Variants in NR3C1 observed in about 807,000 individuals in gnomAD.
NR3C1 encodes nuclear receptor subfamily 3 group C member 1.
In NR3C1, 14 loss-of-function variants were observed where a neutral mutation model predicts 74.0. That is an observed-to-expected ratio of 0.19 (90% CI 0.12 to 0.30). The LOEUF is 0.30. Ranked by LOEUF, NR3C1 falls within the 10% of genes least tolerant of loss-of-function variation. NR3C1 has a pLI of 1.00. For missense variants in NR3C1, 695 were observed against 909.8 expected (o/e 0.76, Z 3.04); for synonymous variants, 308 against 332.5 (o/e 0.93, Z 0.80).
At chr5:143,373,053 CAT>C (rs1319523879) in intron 2 of NR3C1, among the ~76,000 whole-genome samples, 6 of 152,100 alleles carry the variant, frequency 3.9e-5, no homozygotes, top group Non-Finnish European at 5.9e-5. Flanking sequence ...AAAAACTAAA[CAT>C]AAATATTTCA....
At chr5:143,294,676 T>A (rs1329311700) in intron 7 of NR3C1, among the ~76,000 whole-genome samples, 2 of 152,118 alleles carry the variant, frequency 1.3e-5, no homozygotes, top group Non-Finnish European at 2.9e-5. Context: ...AACCGCTGAT[T>A]TTTTTTTGCT....
chr5:143,324,593 GTC>G (rs1824155793), intron 2 of NR3C1, among the ~76,000 whole-genome samples: 1 of 152,196 alleles, frequency 6.6e-6, no homozygotes, highest in Non-Finnish European at 1.5e-5. Context: ...TTTCCCCATG[GTC>G]TTGGGGATTA....
At chr5:143,362,555 G>A (rs754525637) in intron 2 of NR3C1, among the ~76,000 whole-genome samples, 3 of 152,014 alleles carry the variant, frequency 2.0e-5, no homozygotes, top group Non-Finnish European at 4.4e-5. Context: ...TAGAGACAGG[G>A]TTTCACCGTG....
rs10042903 is a variant in NR3C1 at position 143,356,273 on chromosome 5, G to A, written c.1185-42105C>T. On this transcript the variant is annotated intron_variant, in intron 2 of 8. Transcript: ENST00000394464. ...GATCTTAAAATGGATTTGAACTTAA[G>A]CCAATTAGACTGAAGTTGATTTAAA... 4.4e-3 allele frequency among the ~76,000 whole-genome samples: 671 copies of A among 152,118 alleles called. 2 individuals are homozygous for A. The highest frequency in any genetic ancestry group is 0.015 in the African/African-American group (639 of 41,484).
intron 2 of NR3C1, among the ~76,000 whole-genome samples, chr5:143,347,871 C>G (rs980745207): frequency 2.0e-5 from 3 of 152,224 alleles, no homozygotes; most frequent in African/African-American, 7.2e-5. Context: ...AAATATAGCT[C>G]TCCACATTCT....
At chr5:143,416,995 A>T (rs1437453169) in intron 1 of NR3C1, among the ~76,000 whole-genome samples, 3 of 152,112 alleles carry the variant, frequency 2.0e-5, no homozygotes, top group Non-Finnish European at 4.4e-5. Context: ...GGCTGTGTTT[A>T]AAAAGAGAGA....
chr5:143,432,860 A>G (rs1751900813), intron 1 of NR3C1, among the ~76,000 whole-genome samples: 1 of 152,102 alleles, frequency 6.6e-6, no homozygotes. Flanking sequence ...CCATCTGTCC[A>G]CAGCCTACTG....
intron 2 of NR3C1, among the ~76,000 whole-genome samples, chr5:143,317,700 G>C (rs1822456678): frequency 6.6e-6 from 1 of 152,154 alleles, no homozygotes; most frequent in Non-Finnish European, 1.5e-5. Flanking sequence ...GGAGGATTAT[G>C]GGTGAAAGTC....
At chr5:143,374,216 G>A (rs1200758324) in intron 2 of NR3C1, among the ~76,000 whole-genome samples, 1 of 152,178 alleles carries the variant, frequency 6.6e-6, no homozygotes, top group African/African-American at 2.4e-5. Context: ...TAAAGGGCCG[G>A]GTGTGGTGGC....
At chr5:143,358,371 T>TA (rs777513310) in intron 2 of NR3C1, among the ~76,000 whole-genome samples, 41 of 152,352 alleles carry the variant, frequency 2.7e-4, no homozygotes, top group Non-Finnish European at 4.6e-4. Context: ...GATAGCCTTA[T>TA]AATGTTCATT....
intron 2 of NR3C1, among the ~76,000 whole-genome samples, chr5:143,379,627 C>T (rs189653218): frequency 6.0e-4 from 92 of 152,284 alleles, no homozygotes; most frequent in Middle Eastern, 6.8e-3. Context: ...CTAGACTAGC[C>T]CCGTGATTTG....
At chr5:143,343,718 C>T (rs781521291) in intron 2 of NR3C1, among the ~76,000 whole-genome samples, 1 of 152,100 alleles carries the variant, frequency 6.6e-6, no homozygotes, top group Non-Finnish European at 1.5e-5. Flanking sequence ...ATTTATGATA[C>T]GTAACTTTTT....
intron 2 of NR3C1, among the ~76,000 whole-genome samples, chr5:143,394,574 C>T (rs1838855468): frequency 6.6e-6 from 1 of 151,904 alleles, no homozygotes; most frequent in Non-Finnish European, 1.5e-5. Flanking sequence ...ATTTATTAAA[C>T]AGCAGCTTAA....
chr5:143,345,454 C>G (rs1829098821), intron 2 of NR3C1, among the ~76,000 whole-genome samples: 1 of 152,202 alleles, frequency 6.6e-6, no homozygotes, highest in Admixed American at 6.5e-5. Context: ...CAGTGACCCG[C>G]CTGCCTTGGC....
intron 1 of NR3C1, among the ~76,000 whole-genome samples, chr5:143,419,443 C>T (rs755399704): frequency 1.8e-4 from 27 of 152,058 alleles, no homozygotes; most frequent in Admixed American, 7.9e-4. Context: ...GAACCTGCCC[C>T]GATAGTCACA....
In NR3C1 at chr5:143,311,045, GA is replaced by G. The variant is rs1250813728; in HGVS notation, c.1352-833del. On this transcript the variant is annotated intron_variant, in intron 3 of 8. Transcript: ENST00000394464. The stretch of plus-strand genomic sequence containing the variant: ...TTTGTAAAGAATAGGCCACAAAATT[GA>G]CCACTAGACTATAATTCACCTTTGT... Among the ~76,000 whole-genome samples, 5 of 152,306 alleles carry G rather than the reference GA, an allele frequency of 3.3e-5. No homozygotes were observed. The East Asian group carries it at 9.6e-4, about 29-fold the overall frequency.
At chr5:143,400,898 A>G (rs1243390364) in intron 1 of NR3C1, 46 bp from the exon 2 acceptor site, 5 of 1,410,556 alleles carry the variant, frequency 3.5e-6, no homozygotes, top group South Asian at 3.5e-5. Flanking sequence ...CATAAGCTCT[A>G]AAGTCACATT....
At chr5:143,413,832 A>C (rs1841388260) in intron 1 of NR3C1, among the ~76,000 whole-genome samples, 1 of 152,164 alleles carries the variant, frequency 6.6e-6, no homozygotes, top group Non-Finnish European at 1.5e-5. Context: ...ATGGGGTACA[A>C]ATGAAAGAGA....
chr5:143,367,079 T>A (rs1399524943), intron 2 of NR3C1, among the ~76,000 whole-genome samples: 1 of 152,158 alleles, frequency 6.6e-6, no homozygotes, highest in Admixed American at 6.5e-5. Flanking sequence ...CCAAGTGAGA[T>A]GAAACCCAAG....
Sources: gnomAD v4.1 joint callset for allele counts (sites outside exome capture counted in the v4.1 genomes callset) on GRCh38, gnomAD v4.1.1 for gene constraint, MANE v1.5 for transcripts, NCBI Gene and HGNC (gene_info 2026-07-23, HGNC 2026-07-21) for gene names.